Variants in WASHC2A observed in about 807,000 individuals in gnomAD.
WASHC2A encodes the protein WASH complex subunit 2A.
Under a neutral mutation model 140.3 loss-of-function variants are expected in WASHC2A, and 82 were observed. That is an observed-to-expected ratio of 0.58 (90% CI 0.49 to 0.70). WASHC2A has a LOEUF of 0.70. Among genes scored for constraint, WASHC2A ranks in the 30% least tolerant of loss-of-function variants. WASHC2A has a pLI of 0.00. For synonymous variants in WASHC2A, 340 were observed against 560.8 expected, an observed-to-expected ratio of 0.61 and a Z score of 5.56; for missense variants, 985 against 1,521.8, an observed-to-expected ratio of 0.65 and a Z score of 5.87.
intron 19 of WASHC2A, 68 bp downstream of exon 19, chr10:50,106,533 A>C (rs544351075): frequency 8.1e-6 from 13 of 1,596,692 alleles, no homozygotes; most frequent in African/African-American, 2.7e-5. Context: ...AGCCATCCCA[A>C]GTCTTTTTCT....
At chr10:50,131,828 A>C (rs1049419445) in intron 30 of WASHC2A, among the ~76,000 whole-genome samples, 1 of 152,238 alleles carries the variant, frequency 6.6e-6, no homozygotes, top group Non-Finnish European at 1.5e-5. Context: ...TGGAGTGCAG[A>C]AGGGAACTCA....
intron 14 of WASHC2A, 61 bp downstream of exon 14, chr10:50,095,268 A>G: frequency 7.3e-7 from 1 of 1,367,894 alleles, no homozygotes; most frequent in East Asian, 2.5e-5. Flanking sequence ...GCATTTCAAA[A>G]TTATCATCTT....
At chr10:50,080,066 A>G (rs1370035748) in intron 4 of WASHC2A, among the ~76,000 whole-genome samples, 24 of 151,842 alleles carry the variant, frequency 1.6e-4, no homozygotes, top group African/African-American at 5.3e-4. Context: ...GACACTAAAT[A>G]TTTTTCGGTA....
At chr10:50,105,167 A>G (rs879953594) in intron 18 of WASHC2A, among the ~76,000 whole-genome samples, 3 of 152,036 alleles carry the variant, frequency 2.0e-5, no homozygotes, top group African/African-American at 4.8e-5. Flanking sequence ...TACAAAGGAG[A>G]AGGCAGCCAT....
At chr10:50,075,069 T>G (rs782611507) in intron 3 of WASHC2A, among the ~76,000 whole-genome samples, 1 of 152,184 alleles carries the variant, frequency 6.6e-6, no homozygotes, top group Non-Finnish European at 1.5e-5. Context: ...TGTGTGTGTG[T>G]GTATTTACAT....
intron 19 of WASHC2A, among the ~76,000 whole-genome samples, chr10:50,107,651 G>C (rs1212136933): frequency 1.3e-5 from 2 of 152,094 alleles, no homozygotes; most frequent in Non-Finnish European, 2.9e-5. Flanking sequence ...GCCGGGCGTG[G>C]TGGCTCACGT....
At chr10:50,106,516 G>A in intron 19 of WASHC2A, 51 bp downstream of exon 19, 2 of 1,604,510 alleles carry the variant, frequency 1.2e-6, no homozygotes, top group Non-Finnish European at 1.7e-6. Context: ...TGGGATTTAA[G>A]AGTTAAAGCC....
At chr10:50,112,093 T>A (rs2669692) in intron 20 of WASHC2A, 582,201 of 984,542 alleles carry the variant, frequency 0.59, 172,533 homozygotes, top group South Asian at 0.7. Flanking sequence ...TCGAGGGCGG[T>A]CATGGCTCCA....
chr10:50,109,176 T>G (rs1430461410), intron 19 of WASHC2A, among the ~76,000 whole-genome samples: 2 of 152,186 alleles, frequency 1.3e-5, no homozygotes, highest in African/African-American at 4.8e-5. Flanking sequence ...GGACTCCAGT[T>G]TGATTTGCAA....
rs1169353340 is a variant in WASHC2A at position 50,095,603 on chromosome 10, C to T, written c.1245C>T (p.Asp415=). ...PAGAVSVFLG[D]TDVFGAASVP... The stretch of plus-strand genomic sequence containing the variant: ...GTCTTGTCTTTCCACCCACAGGAGA[C>T]ACGGATGTGTTTGGTGCTGCCTCCG... Residue 415 remains aspartate, a synonymous_variant, in exon 15 of 31, where the codon GAC becomes GAT. Transcript: ENST00000282633. The T allele has an allele frequency of 5.0e-6, 8 of 1,611,858 alleles. No homozygotes were observed. The Admixed American group carries it at 1.2e-4, about 24-fold the overall frequency.
intron 18 of WASHC2A, among the ~76,000 whole-genome samples, chr10:50,105,045 G>A (rs2132777503): frequency 6.6e-6 from 1 of 151,940 alleles, no homozygotes; most frequent in East Asian, 2.0e-4. Flanking sequence ...TTGTGTAGAA[G>A]TGGACCTGTG....
At chr10:50,091,817 C>T (rs1839956051) in intron 10 of WASHC2A, among the ~76,000 whole-genome samples, 1 of 152,068 alleles carries the variant, frequency 6.6e-6, no homozygotes, top group Non-Finnish European at 1.5e-5. Flanking sequence ...CTTAAGAATT[C>T]CTGGCTGAAT....
chr10:50,071,387 G>A (rs1375649183), intron 3 of WASHC2A, among the ~76,000 whole-genome samples: 2 of 151,054 alleles, frequency 1.3e-5, no homozygotes, highest in African/African-American at 2.4e-5. Flanking sequence ...CTCACTGCAA[G>A]CTCCGCCTCC....
intron 20 of WASHC2A, among the ~76,000 whole-genome samples, chr10:50,111,421 T>A (rs1842278927): frequency 6.6e-6 from 1 of 152,104 alleles, no homozygotes; most frequent in East Asian, 1.9e-4. Context: ...TATTAAATTC[T>A]GATTCTGCCA....
intron 3 of WASHC2A, among the ~76,000 whole-genome samples, chr10:50,072,327 G>A (rs1186647523): frequency 6.6e-6 from 1 of 151,910 alleles, no homozygotes; most frequent in East Asian, 1.9e-4. Flanking sequence ...GGTTGCCGCT[G>A]CCAAATCTTA....
intron 2 of WASHC2A, among the ~76,000 whole-genome samples, chr10:50,069,239 A>C (rs113784910): frequency 0.1 from 15,183 of 150,068 alleles, 905 homozygotes; most frequent in Middle Eastern, 0.18. Context: ...AGCCTGGCCA[A>C]CATGGTGAAA....
chr10:50,079,462 T>C (rs1452132735), intron 4 of WASHC2A, among the ~76,000 whole-genome samples: 3 of 152,274 alleles, frequency 2.0e-5, no homozygotes, highest in South Asian at 4.1e-4. Context: ...AGTGGCACGA[T>C]ATCAGCTCAC....
intron 18 of WASHC2A, among the ~76,000 whole-genome samples, chr10:50,105,615 G>T (rs1841681675): frequency 6.7e-6 from 1 of 149,948 alleles, no homozygotes; most frequent in Non-Finnish European, 1.5e-5. Flanking sequence ...TCACATTCCA[G>T]GGCTGTTCAC....
Position 50,127,225 on chromosome 10 carries a change from A to G in WASHC2A, c.2874+3A>G. The G allele has an allele frequency of 6.2e-7, 1 of 1,612,062 alleles. No individual in the cohort carries two copies. The highest frequency in any genetic ancestry group is 1.7e-5 in the Admixed American group (1 of 60,014). On this transcript the variant is annotated splice_donor_region_variant and intron_variant, in intron 27 of 30. Coordinates refer to ENST00000282633, the MANE Select transcript of WASHC2A (RefSeq NM_001005751.3). Reference sequence around the variant, plus strand: ...CCACTCGGATCGGGAAGATACAAGTAATTAAAACACTGGAATCTTCATTGC... The same window carrying G: ...CCACTCGGATCGGGAAGATACAAGTGATTAAAACACTGGAATCTTCATTGC...
Sources: gnomAD v4.1 joint callset for allele counts (sites outside exome capture counted in the v4.1 genomes callset) on GRCh38, gnomAD v4.1.1 for gene constraint, MANE v1.5 for transcripts, NCBI Gene and HGNC (gene_info 2026-07-23, HGNC 2026-07-21) for gene names.